MSI2: variants seen among roughly 807,000 people sequenced by gnomAD.
MSI2 encodes RNA-binding protein Musashi homolog 2.
Under a neutral mutation model 45.6 loss-of-function variants are expected in MSI2, and 17 were observed. The ratio of observed to expected loss-of-function variants is 0.37; its 90% CI spans 0.26 to 0.56. MSI2 has a LOEUF of 0.56. Among genes scored for constraint, MSI2 ranks in the 20% least tolerant of loss-of-function variants. The probability of loss-of-function intolerance (pLI) is 0.77; values close to 1 mark genes in which losing one functional copy is unlikely to be tolerated. For synonymous variants in MSI2, 156 were observed against 158.2 expected (o/e 0.99, Z 0.11); for missense variants, 293 against 444.2 (o/e 0.66, Z 3.06).
intron 11 of MSI2, among the ~76,000 whole-genome samples, chr17:57,669,828 C>T (rs996725176): frequency 3.3e-5 from 5 of 152,122 alleles, no homozygotes; most frequent in African/African-American, 7.2e-5. Flanking sequence ...TTTGCCTCCC[C>T]GAGCCACACG....
chr17:57,332,100 AT>A (rs138835359), intron 5 of MSI2, among the ~76,000 whole-genome samples: 8,092 of 136,362 alleles, frequency 0.059, 167 homozygotes, highest in Non-Finnish European at 0.079. Context: ...TCATGTTGCC[AT>A]TTTTTTTTTT....
chr17:57,342,255 G>A (rs758548533), intron 5 of MSI2, among the ~76,000 whole-genome samples: 3 of 152,140 alleles, frequency 2.0e-5, no homozygotes, highest in Non-Finnish European at 4.4e-5. Context: ...TTTGATACAT[G>A]GACATCCGGT....
At chr17:57,464,019 GTA>G (rs371627785) in intron 6 of MSI2, among the ~76,000 whole-genome samples, 50,207 of 132,800 alleles carry the variant, frequency 0.38, 10,252 homozygotes, top group South Asian at 0.54. Flanking sequence ...GTGTGTGTGT[GTA>G]TGTGTGTGTG....
chr17:57,677,903 C>A (rs1232022344), intron 13 of MSI2, among the ~76,000 whole-genome samples: 1 of 152,098 alleles, frequency 6.6e-6, no homozygotes, highest in Non-Finnish European at 1.5e-5. Flanking sequence ...AGGGGTTGTC[C>A]TTGTGAAAGC....
chr17:57,482,033 TAC>T (rs1021670007), intron 6 of MSI2, among the ~76,000 whole-genome samples: 2 of 152,204 alleles, frequency 1.3e-5, no homozygotes, highest in African/African-American at 4.8e-5. Context: ...CCAGGGGCCT[TAC>T]ACAGATGCAC....
intron 6 of MSI2, among the ~76,000 whole-genome samples, chr17:57,417,970 GTTA>G (rs1192298609): frequency 3.3e-5 from 5 of 152,204 alleles, no homozygotes; most frequent in Non-Finnish European, 7.3e-5. Flanking sequence ...CAGAGTCATT[GTTA>G]TTATTCCTCC....
intron 5 of MSI2, among the ~76,000 whole-genome samples, chr17:57,313,232 G>A (rs1912555940): frequency 1.3e-5 from 2 of 152,164 alleles, no homozygotes; most frequent in Admixed American, 1.3e-4. Flanking sequence ...TTGTGCAAAT[G>A]TCTGTCCCTG....
intron 7 of MSI2, among the ~76,000 whole-genome samples, chr17:57,542,226 G>A (rs1044603613): frequency 6.6e-6 from 1 of 152,206 alleles, no homozygotes; most frequent in East Asian, 1.9e-4. Context: ...TGTCTTCTTA[G>A]TGGAAGGTCA....
At chr17:57,330,122 G>C (rs915857013) in intron 5 of MSI2, among the ~76,000 whole-genome samples, 12 of 151,976 alleles carry the variant, frequency 7.9e-5, no homozygotes, top group Admixed American at 5.9e-4. Flanking sequence ...CTGGACAAGA[G>C]GGCATCTAGT....
intron 6 of MSI2, among the ~76,000 whole-genome samples, chr17:57,432,233 G>A (rs1048138534): frequency 2.6e-5 from 4 of 152,168 alleles, no homozygotes; most frequent in East Asian, 1.9e-4. Context: ...TGTCTGTGAC[G>A]TAGAGGGTGT....
At position 57,280,345 on chromosome 17, in the gene MSI2, G is replaced by A. The variant is rs1350708908; in HGVS notation, c.312+18153G>A. On this transcript the variant is annotated intron_variant, in intron 5 of 13. Coordinates refer to ENST00000284073, the MANE Select transcript of MSI2 (RefSeq NM_138962.4). The surrounding 1 kb of genome is among the most constrained non-coding windows in gnomAD (Gnocchi z 4.2). Reference sequence around the variant, plus strand: ...AAAGTGGCTTGTGGGTACCCCAGGGGGCTGTGGGGGAATCAGTGAGTAAGT... The same window carrying A: ...AAAGTGGCTTGTGGGTACCCCAGGGAGCTGTGGGGGAATCAGTGAGTAAGT... 6.6e-6 allele frequency among the ~76,000 whole-genome samples: 1 copy of A among 152,206 alleles called. No homozygotes were observed.
intron 6 of MSI2, among the ~76,000 whole-genome samples, chr17:57,482,392 T>A (rs1340280396): frequency 6.6e-6 from 1 of 152,234 alleles, no homozygotes; most frequent in African/African-American, 2.4e-5. Context: ...CCATGCTCCT[T>A]CCTAAGCTCT....
intron 5 of MSI2, among the ~76,000 whole-genome samples, chr17:57,301,582 A>G (rs1336290417): frequency 2.6e-5 from 4 of 152,206 alleles, no homozygotes; most frequent in Admixed American, 2.6e-4. Flanking sequence ...TTGTATTAGA[A>G]TACTTTTTTC....
At chr17:57,333,064 A>G (rs1388625381) in intron 5 of MSI2, among the ~76,000 whole-genome samples, 1 of 152,110 alleles carries the variant, frequency 6.6e-6, no homozygotes, top group Non-Finnish European at 1.5e-5. Flanking sequence ...TGCAAGAGTC[A>G]GATGCCAGGG....
At chr17:57,474,017 A>G (rs574543839) in intron 6 of MSI2, among the ~76,000 whole-genome samples, 1 of 151,682 alleles carries the variant, frequency 6.6e-6, no homozygotes, top group Admixed American at 6.6e-5. Context: ...CTTTATGGGG[A>G]AGATGTTTCT....
At chr17:57,422,071 C>T (rs893673999) in intron 6 of MSI2, among the ~76,000 whole-genome samples, 2 of 152,262 alleles carry the variant, frequency 1.3e-5, no homozygotes, top group East Asian at 1.9e-4. Flanking sequence ...CCACTCAAAT[C>T]GTATTTAGTG....
intron 5 of MSI2, among the ~76,000 whole-genome samples, chr17:57,275,828 A>C (rs994551615): frequency 1.3e-5 from 2 of 152,232 alleles, no homozygotes; most frequent in Admixed American, 6.5e-5. Context: ...TTGCTGCTCC[A>C]TTAAGTGATC....
At chr17:57,572,381 G>A (rs1234687997) in intron 7 of MSI2, among the ~76,000 whole-genome samples, 4 of 152,204 alleles carry the variant, frequency 2.6e-5, no homozygotes, top group African/African-American at 4.8e-5. Flanking sequence ...TGGGATTAGA[G>A]GAATTTGCAG....
chr17:57,418,220 T>C (rs926861950), intron 6 of MSI2, among the ~76,000 whole-genome samples: 8 of 152,264 alleles, frequency 5.3e-5, no homozygotes, highest in African/African-American at 1.9e-4. Flanking sequence ...CGTAAGTTGC[T>C]ATCCCCTGTT....
Sources: gnomAD v4.1 joint callset for allele counts (sites outside exome capture counted in the v4.1 genomes callset) on GRCh38, gnomAD v4.1.1 for gene constraint, Gnocchi (gnomAD v3.1) non-coding constraint, MANE v1.5 for transcripts, NCBI Gene and HGNC (gene_info 2026-07-23, HGNC 2026-07-21) for gene names.